Variants in HDAC4 observed in about 807,000 individuals in gnomAD.
The protein encoded by HDAC4 is histone deacetylase 4, also known as histone deacetylase A.
A neutral mutation model predicts 135.1 loss-of-function variants in HDAC4; 16 were observed. The observed-to-expected ratio is 0.12, with a 90% confidence interval of 0.08 to 0.18. HDAC4 has a LOEUF of 0.18. Among genes scored for constraint, HDAC4 ranks in the 10% least tolerant of loss-of-function variants. The pLI is 1.00. For synonymous variants in HDAC4, 685 were observed against 653.4 expected (o/e 1.05, Z -0.74); for missense variants, 1,143 against 1,511.8 (o/e 0.76, Z 4.05).
intron 6 of HDAC4, among the ~76,000 whole-genome samples, chr2:239,159,879 C>A (rs371542553): frequency 3.3e-5 from 5 of 152,282 alleles, no homozygotes; most frequent in African/African-American, 4.8e-5. Context: ...GCAGCCCCCA[C>A]GGGGCCCTGG....
chr2:239,319,186 A>G (rs2053225820), intron 2 of HDAC4, among the ~76,000 whole-genome samples: 1 of 152,264 alleles, frequency 6.6e-6, no homozygotes, highest in Admixed American at 6.5e-5. Context: ...AGAATATCTG[A>G]TATTCAACAA....
Position 239,262,491 on chromosome 2 carries a change from C to T in HDAC4, c.23-25827G>A, listed in dbSNP as rs139279358. Among the ~76,000 whole-genome samples, 1 of 152,184 alleles carries T rather than the reference C, an allele frequency of 6.6e-6. No homozygotes were observed. The highest frequency in any genetic ancestry group is 1.5e-5 in the Non-Finnish European group (1 of 68,020). On this transcript the variant is annotated intron_variant, in intron 2 of 26. Transcript: ENST00000543185. This position sits in a 1 kb window ranked among gnomAD's most constrained non-coding sequence, Gnocchi z 4.1. ...CAGACGAGGATCTTCTCAAATCACC[C>T]TTGCCTTGTTTGCCCAGGTCCGAGA...
chr2:239,276,785 C>A (rs1370512798), intron 2 of HDAC4, among the ~76,000 whole-genome samples: 3 of 152,212 alleles, frequency 2.0e-5, no homozygotes. Context: ...CCAGGCGAGG[C>A]AAGACGGCAG....
At chr2:239,190,700 A>G (rs2411428) in intron 3 of HDAC4, among the ~76,000 whole-genome samples, 12,802 of 152,280 alleles carry the variant, frequency 0.084, 588 homozygotes, top group East Asian at 0.13. Context: ...GGCTCTTGGC[A>G]CAAGTGCGTT....
chr2:239,104,155 C>T (rs1362907016), intron 15 of HDAC4, among the ~76,000 whole-genome samples: 3 of 152,344 alleles, frequency 2.0e-5, no homozygotes, highest in South Asian at 4.1e-4. Flanking sequence ...GAAAGCCAGG[C>T]AGGAGGGACG....
chr2:239,184,729 T>A (rs1359902124), intron 4 of HDAC4, among the ~76,000 whole-genome samples: 1 of 98,116 alleles, frequency 1.0e-5, no homozygotes, highest in Non-Finnish European at 2.1e-5. Flanking sequence ...TCCCTCAGTG[T>A]CTGTCCTGGA....
At chr2:239,211,362 G>A (rs1377545881) in intron 3 of HDAC4, among the ~76,000 whole-genome samples, 2 of 152,156 alleles carry the variant, frequency 1.3e-5, no homozygotes, top group Non-Finnish European at 2.9e-5. Context: ...TGAGAGCCCT[G>A]CCCCGTGCTT....
intron 2 of HDAC4, among the ~76,000 whole-genome samples, chr2:239,290,725 CACGT>C (rs2125497296): frequency 6.6e-6 from 1 of 152,152 alleles, no homozygotes; most frequent in South Asian, 2.1e-4. Flanking sequence ...CATACGCACT[CACGT>C]ACGCACACAC....
At chr2:239,095,726 G>A (rs915769043) in intron 16 of HDAC4, among the ~76,000 whole-genome samples, 4 of 152,168 alleles carry the variant, frequency 2.6e-5, no homozygotes, top group Admixed American at 1.3e-4. Context: ...CAGTGAAAGT[G>A]CTCCCAGGAC....
chr2:239,195,375 G>A (rs575247587), intron 3 of HDAC4, among the ~76,000 whole-genome samples: 1 of 152,306 alleles, frequency 6.6e-6, no homozygotes. Context: ...AACACAAATG[G>A]AGCGTTCACA....
rs371316987 is a variant in HDAC4 at position 239,258,969 on chromosome 2, CA to C, written c.23-22306del. On this transcript the variant is annotated intron_variant, in intron 2 of 26. Coordinates refer to ENST00000543185, the MANE Select transcript of HDAC4 (RefSeq NM_001378414.1). Reference sequence around the variant, plus strand: ...AGCTATGCAAAGTATGGAAAGAAAACAGTTGGAAAAATATGTACCTTGCAAA... The same window carrying C: ...AGCTATGCAAAGTATGGAAAGAAAACGTTGGAAAAATATGTACCTTGCAAA... Among the ~76,000 whole-genome samples, 206 of 152,300 alleles carry C rather than the reference CA, an allele frequency of 1.4e-3. 1 individual carries two copies. The highest frequency in any genetic ancestry group is 5.6e-3 in the South Asian group (27 of 4,826).
rs1270227555 is a variant in HDAC4, at chr2:239,167,921, G to A, written c.491-3998C>T. Among the ~76,000 whole-genome samples, 1 of 150,454 alleles carries A rather than the reference G, an allele frequency of 6.6e-6. No homozygotes were observed. On this transcript the variant is annotated intron_variant, in intron 5 of 26. Transcript: ENST00000543185. The surrounding 1 kb of genome is among the most constrained non-coding windows in gnomAD (Gnocchi z 4.1). ...TAAGGAATGAGCGAGCAACAGCTGAGCGGGGCAGAGAGAGGAGGACAGCAG... is the reference window on the plus strand; with the variant it reads ...TAAGGAATGAGCGAGCAACAGCTGAACGGGGCAGAGAGAGGAGGACAGCAG...
intron 2 of HDAC4, among the ~76,000 whole-genome samples, chr2:239,304,623 C>T (rs1355955320): frequency 6.6e-6 from 1 of 152,168 alleles, no homozygotes; most frequent in Non-Finnish European, 1.5e-5. Context: ...ACACACAAGG[C>T]AGTGCCCCTT....
chr2:239,316,120 T>C (rs560624231), intron 2 of HDAC4, among the ~76,000 whole-genome samples: 1 of 152,312 alleles, frequency 6.6e-6, no homozygotes, highest in South Asian at 2.1e-4. Flanking sequence ...ATCCTTCATC[T>C]ACCAAATCAG....
At chr2:239,296,364 C>T (rs758536341) in intron 2 of HDAC4, among the ~76,000 whole-genome samples, 5 of 152,258 alleles carry the variant, frequency 3.3e-5, no homozygotes, top group Admixed American at 1.3e-4. Context: ...TGGCACAGGG[C>T]GGTCATGGCC....
At position 239,139,327 on chromosome 2, in the gene HDAC4, G is replaced by A. The variant is rs142499295; in HGVS notation, c.978+357C>T. Among the ~76,000 whole-genome samples, 3,085 of 152,260 alleles carry A rather than the reference G, an allele frequency of 0.02. 46 individuals are homozygous for A. Among genetic ancestry groups the A allele is most frequent in the South Asian group, 0.034 (164 of 4,818 alleles). ...CCCTCAGAGCACTGGCGACCACAGC[G>A]AGCTGGGCAGCAGGGATCCTGTCCA... is the stretch of plus-strand genomic sequence containing the variant. On this transcript the variant is annotated intron_variant, in intron 9 of 26. Transcript: ENST00000543185. The surrounding 1 kb of genome is among the most constrained non-coding windows in gnomAD (Gnocchi z 5.3).
At chr2:239,266,484 G>A (rs1166164976) in intron 2 of HDAC4, among the ~76,000 whole-genome samples, 1 of 152,218 alleles carries the variant, frequency 6.6e-6, no homozygotes, top group Non-Finnish European at 1.5e-5. Context: ...TTCCAGAGGT[G>A]CCTCCGGGGC....
At chr2:239,208,098 G>A (rs1013212407) in intron 3 of HDAC4, among the ~76,000 whole-genome samples, 1 of 151,776 alleles carries the variant, frequency 6.6e-6, no homozygotes, top group Non-Finnish European at 1.5e-5. Flanking sequence ...TGAGACAGGC[G>A]GATCACGAGG....
chr2:239,295,382 TA>T lies in HDAC4; in HGVS notation c.22+57295del, dbSNP rs1490172055. Among the ~76,000 whole-genome samples, 11 of 151,354 alleles carry T rather than the reference TA, an allele frequency of 7.3e-5. No individual in the cohort carries two copies. In the South Asian group the frequency reaches 2.1e-3, roughly 29 times the overall value. The stretch of plus-strand genomic sequence containing the variant: ...GGTGAAAAGCAAAAGAGCAGATTTT[TA>T]TTCATCCAAAAGCTGGTTACATAAA... On this transcript the variant is annotated intron_variant, in intron 2 of 26. Coordinates refer to ENST00000543185, the MANE Select transcript of HDAC4 (RefSeq NM_001378414.1).
Sources: allele counts gnomAD v4.1 joint callset (sites outside exome capture counted in the v4.1 genomes callset), GRCh38; gene constraint gnomAD v4.1.1; non-coding constraint Gnocchi (gnomAD v3.1); transcripts MANE v1.5; gene names NCBI Gene and HGNC (gene_info 2026-07-23, HGNC 2026-07-21).